Variants in MYO5B observed in about 807,000 individuals in gnomAD.
MYO5B encodes the protein unconventional myosin-Vb.
In MYO5B, 143 loss-of-function variants were observed where a neutral mutation model predicts 229.3. The ratio of observed to expected loss-of-function variants is 0.62; its 90% CI spans 0.54 to 0.72. MYO5B has a LOEUF of 0.72. Among genes scored for constraint, MYO5B ranks in the 30% least tolerant of loss-of-function variants. MYO5B has a pLI of 0.00. For synonymous variants in MYO5B, 918 were observed against 885.2 expected, an observed-to-expected ratio of 1.04 and a Z score of -0.66; for missense variants, 2,321 against 2,331.0, an observed-to-expected ratio of 1.00 and a Z score of 0.09.
chr18:50,184,278 C>A (rs945279171), intron 1 of MYO5B, among the ~76,000 whole-genome samples: 2 of 152,036 alleles, frequency 1.3e-5, no homozygotes, highest in East Asian at 3.9e-4. Context: ...GGCAAAAGAA[C>A]ACAAGCAGGA....
intron 1 of MYO5B, among the ~76,000 whole-genome samples, chr18:50,189,292 G>A (rs981520964): frequency 6.6e-6 from 1 of 152,188 alleles, no homozygotes; most frequent in Non-Finnish European, 1.5e-5. Context: ...AGTAGAGAAG[G>A]TGGACAAGAG....
At chr18:50,088,912 G>A (rs1356054257) in intron 1 of MYO5B, among the ~76,000 whole-genome samples, 1 of 152,174 alleles carries the variant, frequency 6.6e-6, no homozygotes, top group Non-Finnish European at 1.5e-5. Context: ...GTGCTTGACA[G>A]ATCTTTGTTA....
rs1598889424 is a variant in MYO5B, at chr18:49,929,595, A to C, written c.2007T>G (p.Phe669Leu). Residue 669 changes from phenylalanine to leucine, a missense_variant, in exon 17 of 40, where the codon TTT (phenylalanine) becomes TTG (leucine). By Grantham distance (22) the Phe-to-Leu change is conservative (BLOSUM62 0). Coordinates refer to ENST00000285039, the MANE Select transcript of MYO5B (RefSeq NM_001080467.3). ...GTTGCTGCACTGCTCTCTTTGGGTC[A>C]AAGCTGCCAAAGGAGAAAAAAAAAA... ...KPNDEKLPFH[F>L]DPKRAVQQLR... 1.3e-6 allele frequency: 2 copies of C among 1,556,650 alleles called. No homozygotes were observed. Among genetic ancestry groups the C allele is most frequent in the Non-Finnish European group, 1.7e-6 (2 of 1,159,474 alleles).
intron 1 of MYO5B, among the ~76,000 whole-genome samples, chr18:50,073,333 A>G (rs1250203660): frequency 6.6e-6 from 1 of 152,190 alleles, no homozygotes; most frequent in African/African-American, 2.4e-5. Flanking sequence ...AAATAAGAAA[A>G]GCCAAGGAAG....
chr18:49,857,097 G>A (rs1296599732), intron 29 of MYO5B, among the ~76,000 whole-genome samples: 1 of 152,242 alleles, frequency 6.6e-6, no homozygotes, highest in Admixed American at 6.5e-5. Context: ...GTACTGTCCT[G>A]GAAGTGGGTT....
At chr18:50,013,943 G>T (rs2026189220) in intron 4 of MYO5B, among the ~76,000 whole-genome samples, 2 of 152,206 alleles carry the variant, frequency 1.3e-5, no homozygotes. Context: ...ACAGGTTACA[G>T]CCTCAGGTGC....
chr18:49,903,086 T>C (rs961651205), intron 20 of MYO5B, among the ~76,000 whole-genome samples: 3 of 152,216 alleles, frequency 2.0e-5, no homozygotes, highest in Non-Finnish European at 2.9e-5. Flanking sequence ...TTTTGTTTTA[T>C]GGGTTAGGAA....
chr18:50,040,378 T>C (rs757453568), intron 2 of MYO5B, 64 bp from the exon 3 acceptor site: 30 of 1,431,492 alleles, frequency 2.1e-5, no homozygotes, highest in Non-Finnish European at 2.9e-5. Context: ...GTATTCAATG[T>C]CCTGTCTTCT....
At chr18:49,940,344 T>C (rs1415722743) in intron 14 of MYO5B, among the ~76,000 whole-genome samples, 1 of 152,056 alleles carries the variant, frequency 6.6e-6, no homozygotes, top group Non-Finnish European at 1.5e-5. Context: ...CCAGACAGAG[T>C]AGCAAGATGG....
intron 18 of MYO5B, among the ~76,000 whole-genome samples, chr18:49,911,508 A>C (rs961054396): frequency 2.6e-5 from 4 of 152,226 alleles, no homozygotes; most frequent in African/African-American, 7.2e-5. Context: ...TTACTCATAT[A>C]ATCTTAAGAC....
intron 1 of MYO5B, 113 bp from the exon 2 acceptor site, chr18:50,055,491 A>T: frequency 1.3e-6 from 1 of 774,120 alleles, no homozygotes; most frequent in South Asian, 1.5e-5. Flanking sequence ...CTATCTGCAC[A>T]CATCTCCCCA....
At chr18:49,974,779 TCACACACACACACACACAGACACA>T (rs1481882188) in intron 9 of MYO5B, among the ~76,000 whole-genome samples, 164 bp from the exon 10 acceptor site, 2 of 117,048 alleles carry the variant, frequency 1.7e-5, no homozygotes, top group African/African-American at 7.6e-5. Flanking sequence ...GCAGTCTCTC[TCACACACACACACACACAGACACA>T]CACACACACA....
At chr18:50,049,258 C>T (rs1259372377) in intron 2 of MYO5B, among the ~76,000 whole-genome samples, 1 of 152,072 alleles carries the variant, frequency 6.6e-6, no homozygotes, top group East Asian at 1.9e-4. Flanking sequence ...TATAATCAGA[C>T]TCTGGCACAT....
rs369128969 is a variant in MYO5B at position 49,984,836 on chromosome 18, C to T, written c.839-11G>A. The T allele has an allele frequency of 8.2e-5, 129 of 1,570,796 alleles. No homozygotes were observed. In the African/African-American group the frequency reaches 8.5e-4, roughly 10 times the overall value. On this transcript the variant is annotated splice_polypyrimidine_tract_variant and intron_variant, in intron 7 of 39. Transcript: ENST00000285039. ...AGTCCTCTGCACTTGCTGTGGGAGGCGAGGAAATAAGGCATGAGGCACTGG... is the reference window on the plus strand; with the variant it reads ...AGTCCTCTGCACTTGCTGTGGGAGGTGAGGAAATAAGGCATGAGGCACTGG...
chr18:49,834,702 A>C (rs2023965582), intron 39 of MYO5B, among the ~76,000 whole-genome samples: 2 of 152,116 alleles, frequency 1.3e-5, no homozygotes, highest in Admixed American at 1.3e-4. Flanking sequence ...TCAGTGGCGC[A>C]ATCTCGGCTC....
At chr18:50,100,705 T>C (rs560978336) in intron 1 of MYO5B, among the ~76,000 whole-genome samples, 1 of 152,326 alleles carries the variant, frequency 6.6e-6, no homozygotes, top group East Asian at 1.9e-4. Flanking sequence ...TTTCCAGGTC[T>C]AGGGATCAGC....
intron 1 of MYO5B, among the ~76,000 whole-genome samples, chr18:50,194,558 C>T (rs1172781146): frequency 2.0e-5 from 3 of 152,182 alleles, no homozygotes; most frequent in African/African-American, 7.2e-5. Flanking sequence ...GCCGGGTGGC[C>T]GGTCAGTGCG....
intron 1 of MYO5B, 135 bp downstream of exon 1, chr18:50,194,632 G>A (rs957465454): frequency 2.5e-5 from 15 of 602,732 alleles, no homozygotes; most frequent in African/African-American, 2.2e-4. Flanking sequence ...GGACAGTGAC[G>A]AGGAGGACAC....
chr18:49,976,000 A>G (rs1293009312), intron 9 of MYO5B, among the ~76,000 whole-genome samples: 1 of 152,208 alleles, frequency 6.6e-6, no homozygotes, highest in Non-Finnish European at 1.5e-5. Context: ...CTTGCAGCCC[A>G]CTTGGGGCAC....
Sources: gnomAD v4.1 joint callset for allele counts (sites outside exome capture counted in the v4.1 genomes callset) on GRCh38, gnomAD v4.1.1 for gene constraint, MANE v1.5 for transcripts, NCBI Gene and HGNC (gene_info 2026-07-23, HGNC 2026-07-21) for gene names.